Variants in TNRC6B observed in about 807,000 individuals in gnomAD.
TNRC6B encodes trinucleotide repeat containing adaptor 6B, also known as trinucleotide repeat-containing gene 6B protein.
Under a neutral mutation model 203.6 loss-of-function variants are expected in TNRC6B, and 52 were observed. The ratio of observed to expected loss-of-function variants is 0.26; its 90% CI spans 0.20 to 0.32. The LOEUF (loss-of-function observed/expected upper bound fraction) is 0.32, where lower values mean the gene tolerates loss of function less well. TNRC6B is among the 10% of genes least tolerant of loss of function. TNRC6B has a pLI of 1.00. For synonymous variants in TNRC6B, 838 were observed against 845.7 expected (o/e 0.99, Z 0.16); for missense variants, 1,923 against 2,286.2 (o/e 0.84, Z 3.24).
At chr22:40,225,943 C>T (rs1036310594) in intron 1 of TNRC6B, among the ~76,000 whole-genome samples, 2 of 151,994 alleles carry the variant, frequency 1.3e-5, no homozygotes, top group Non-Finnish European at 2.9e-5. Context: ...TGTAACTGAT[C>T]CTGAAGAGTT....
intron 1 of TNRC6B, among the ~76,000 whole-genome samples, chr22:40,068,004 ACT>A (rs139907968): frequency 9.2e-5 from 14 of 152,170 alleles, no homozygotes; most frequent in African/African-American, 3.4e-4. Context: ...TGGAATATAC[ACT>A]CTATCATATG....
chr22:40,128,390 A>T (rs1210422085), intron 3 of TNRC6B, among the ~76,000 whole-genome samples: 1 of 152,234 alleles, frequency 6.6e-6, no homozygotes, highest in Non-Finnish European at 1.5e-5. Flanking sequence ...GTCTGTTAAC[A>T]GAAGGCCATT....
chr22:40,048,678 T>C (rs1373023179), intron 1 of TNRC6B, among the ~76,000 whole-genome samples: 4 of 152,246 alleles, frequency 2.6e-5, no homozygotes, highest in African/African-American at 9.6e-5. Context: ...TAATATTGAC[T>C]TTTTATGTGT....
At chr22:40,131,083 A>G (rs1158583866) in intron 3 of TNRC6B, among the ~76,000 whole-genome samples, 1 of 151,436 alleles carries the variant, frequency 6.6e-6, no homozygotes, top group African/African-American at 2.4e-5. Context: ...TTTTGCCCAG[A>G]TAATTTTTTG....
intron 4 of TNRC6B, among the ~76,000 whole-genome samples, chr22:40,157,733 C>G (rs1320600382): frequency 6.6e-6 from 1 of 152,142 alleles, no homozygotes; most frequent in Admixed American, 6.5e-5. Flanking sequence ...CACAGCCCTC[C>G]ACCCCCACAC....
chr22:40,225,987 A>G (rs1316488882), intron 1 of TNRC6B, among the ~76,000 whole-genome samples: 1 of 152,208 alleles, frequency 6.6e-6, no homozygotes, highest in Non-Finnish European at 1.5e-5. Context: ...GTTGTTATCA[A>G]AATGCTGTAT....
intron 1 of TNRC6B, among the ~76,000 whole-genome samples, chr22:40,084,185 A>G (rs1193400709): frequency 2.0e-5 from 3 of 152,192 alleles, no homozygotes; most frequent in East Asian, 3.9e-4. Context: ...TCTAAGCTAA[A>G]GAGAAAAATT....
chr22:40,314,982 G>T (rs932216593), intron 19 of TNRC6B, among the ~76,000 whole-genome samples: 1 of 152,178 alleles, frequency 6.6e-6, no homozygotes, highest in Admixed American at 6.5e-5. Context: ...CTTTCTCCTT[G>T]AATGTGTCCT....
At chr22:40,202,310 T>C (rs1314141728) in intron 1 of TNRC6B, among the ~76,000 whole-genome samples, 1 of 151,258 alleles carries the variant, frequency 6.6e-6, no homozygotes, top group Non-Finnish European at 1.5e-5. Flanking sequence ...TGACCAACTT[T>C]CTATATGAGT....
chr22:40,170,880 T>G (rs1361946504), intron 4 of TNRC6B, among the ~76,000 whole-genome samples: 2 of 135,886 alleles, frequency 1.5e-5, no homozygotes, highest in East Asian at 2.1e-4. Context: ...TACATATATG[T>G]GTGTATACAT....
At chr22:40,167,225 C>A (rs971088935) in intron 4 of TNRC6B, among the ~76,000 whole-genome samples, 14 of 152,122 alleles carry the variant, frequency 9.2e-5, no homozygotes, top group African/African-American at 3.4e-4. Flanking sequence ...ACAAAAGTAT[C>A]CTCAACTTAA....
At chr22:40,177,072 C>A (rs2069069843), upstream of TNRC6B, among the ~76,000 whole-genome samples, 1 of 152,082 alleles carries the variant, frequency 6.6e-6, no homozygotes, top group Non-Finnish European at 1.5e-5. Context: ...AGATGCAAAC[C>A]GAGCTTGGGT....
intron 3 of TNRC6B, among the ~76,000 whole-genome samples, chr22:40,255,149 T>G (rs1457194823): frequency 6.6e-6 from 1 of 152,200 alleles, no homozygotes; most frequent in Non-Finnish European, 1.5e-5. Flanking sequence ...TGTCTGACAC[T>G]TAACAGTTCC....
intron 3 of TNRC6B, among the ~76,000 whole-genome samples, chr22:40,147,099 G>A (rs1453947422): frequency 8.5e-5 from 13 of 152,216 alleles, no homozygotes; most frequent in Admixed American, 7.9e-4. Context: ...ACATACAATG[G>A]AATATTATTT....
chr22:40,318,316 G>A (rs752033806), intron 21 of TNRC6B, among the ~76,000 whole-genome samples: 18 of 152,144 alleles, frequency 1.2e-4, no homozygotes, highest in Non-Finnish European at 2.6e-4. Flanking sequence ...GGGAGGCCGA[G>A]GCGGGCAGAT....
At chr22:40,195,742 C>T (rs923836809) in intron 1 of TNRC6B, among the ~76,000 whole-genome samples, 2 of 151,958 alleles carry the variant, frequency 1.3e-5, no homozygotes, top group African/African-American at 4.8e-5. Flanking sequence ...GCATGAGCCA[C>T]CATCCTCAGC....
rs774161731 is a variant in TNRC6B, at chr22:40,273,398, A to AAG, written c.2966-24_2966-23dup. On this transcript the variant is annotated intron_variant, in intron 6 of 22. Coordinates refer to ENST00000454349, the MANE Select transcript of TNRC6B (RefSeq NM_001162501.2). ...ATGATTGTTTTATATAGCTGTTGCA[A>AAG]AGAGTTAATTCATTCTTTCCTTAAA... is the stretch of plus-strand genomic sequence containing the variant. The AAG allele has an allele frequency of 1.3e-5, 21 of 1,559,020 alleles. No individual in the cohort carries two copies. The African/African-American group carries it at 2.6e-4, about 19-fold the overall frequency.
chr22:40,266,986 C>T lies in TNRC6B; in HGVS notation c.2756C>T (p.Ala919Val). The change falls in exon 5 of 23, where the codon GCA (alanine) becomes GTA (valine). Residue 919 changes from alanine (A) to valine (V), a missense_variant. Ala to Val is a moderately conservative substitution (Grantham distance 64). This residue lies in a region of TNRC6B where 599 missense variants were observed against 656.5 expected (regional missense o/e 0.91). Transcript: ENST00000454349. ...GATAAGAATTCCCAAGGGGGCCCAG[C>T]ACCTCGAGAACCAAACCTGCCCACC... is the stretch of plus-strand genomic sequence containing the variant. ...LWDKNSQGGP[A>V]PREPNLPTPM... 6.2e-7 allele frequency: 1 copy of T among 1,611,700 alleles called. No individual in the cohort carries two copies. Among genetic ancestry groups the T allele is most frequent in the South Asian group, 1.1e-5 (1 of 90,646 alleles).
chr22:40,295,144 C>G (rs182077557), intron 12 of TNRC6B, among the ~76,000 whole-genome samples: 4 of 152,058 alleles, frequency 2.6e-5, no homozygotes, highest in South Asian at 4.1e-4. Context: ...TACAGGAAAC[C>G]TGAACTTGGT....
Sources: allele counts gnomAD v4.1 joint callset (sites outside exome capture counted in the v4.1 genomes callset), GRCh38; gene constraint gnomAD v4.1.1; regional missense constraint gnomAD v4.1.1; transcripts MANE v1.5; gene names NCBI Gene and HGNC (gene_info 2026-07-23, HGNC 2026-07-21).